The following MEX3B variants were observed in gnomAD, a reference collection of about 807,000 sequenced individuals.
MEX3B encodes the protein RNA-binding protein MEX3B.
A neutral mutation model predicts 12.2 loss-of-function variants in MEX3B; 10 were observed. That is an observed-to-expected ratio of 0.82 (90% CI 0.51 to 1.40). The LOEUF (loss-of-function observed/expected upper bound fraction) is 1.40, where lower values mean the gene tolerates loss of function less well. Among genes scored for constraint, MEX3B ranks in the 40% most tolerant of loss-of-function variants. The pLI is 0.00. For synonymous variants in MEX3B, 498 were observed against 356.3 expected (o/e 1.40, Z -4.48); for missense variants, 839 against 801.4 (o/e 1.05, Z -0.57).
chr15:82,043,624 C>T lies in MEX3B; in HGVS notation c.1246G>A (p.Ala416Thr), dbSNP rs2073234988. ...SSSVVFPGGGASAPSNANLGL... is the reference protein window; with the variant it reads ...SSSVVFPGGGTSAPSNANLGL... ...AGGTTGGCGTTGGAGGGCGCACTGG[C>T]GCCACCCCCGGGGAAGACCACGGAG... Residue 416 changes from alanine (A) to threonine (T), a missense_variant, in exon 2 of 2, where the codon GCC becomes ACC. By Grantham distance (58) the Ala-to-Thr change is moderately conservative (BLOSUM62 0). Transcript: ENST00000329713. 8.7e-6 allele frequency: 14 copies of T among 1,602,376 alleles called. No individual in the cohort carries two copies. Among genetic ancestry groups the T allele is most frequent in the Non-Finnish European group, 1.2e-5 (14 of 1,174,856 alleles).
Position 82,043,095 on chromosome 15 carries a change from G to C in MEX3B, c.*65C>G, listed in dbSNP as rs924740732. ...CCCAGGGAGGCAGGCGAGCGCTGGG[G>C]AAAGAGGGTGGGGAGGGGTTCCCCC... On this transcript the variant is annotated 3_prime_UTR_variant, in exon 2 of 2. Transcript: ENST00000329713. 7.2e-7 allele frequency: 1 copy of C among 1,382,892 alleles called. No homozygotes were observed. The highest frequency in any genetic ancestry group is 1.8e-5 in the South Asian group (1 of 55,918). The allele number at this position is 1,382,892 out of a possible 1,614,324, so 85.7% of individuals were successfully genotyped here.
Position 82,042,122 on chromosome 15 carries a change from C to G in MEX3B, c.*1038G>C, listed in dbSNP as rs2073223433. 1 of 152,586 alleles carries G rather than the reference C, an allele frequency of 6.6e-6. No individual in the cohort carries two copies. Among genetic ancestry groups the G allele is most frequent in the African/African-American group, 2.4e-5 (1 of 41,432 alleles). The allele number at this position is 152,586 out of a possible 1,614,324, so 9.5% of individuals were successfully genotyped here. ...TGCAACAGAATTTTTGTAACTTGCA[C>G]TGAATTCTATTTATACAAATGTTAG... On this transcript the variant is annotated 3_prime_UTR_variant, in exon 2 of 2. Transcript: ENST00000329713.
chr15:82,045,723 C>A lies in MEX3B; in HGVS notation c.-18G>T. The stretch of plus-strand genomic sequence containing the variant: ...CTGGGCATCGCTCGGCCGTGCGCGC[C>A]GCGCCCCCGCCGGCCCTCGGCTCGG... On this transcript the variant is annotated 5_prime_UTR_variant, in exon 1 of 2. Coordinates refer to ENST00000329713, the MANE Select transcript of MEX3B (RefSeq NM_032246.6). The A allele has an allele frequency of 7.5e-7, 1 of 1,325,566 alleles. No individual in the cohort carries two copies. The highest frequency in any genetic ancestry group is 9.6e-7 in the Non-Finnish European group (1 of 1,045,560). The allele number at this position is 1,325,566 out of a possible 1,614,324, so 82.1% of individuals were successfully genotyped here.
chr15:82,043,972 AAG>A lies in MEX3B; in HGVS notation c.896_897del (p.Ser299LeufsTer23). 6.2e-7 allele frequency: 1 copy of A among 1,609,494 alleles called. No individual in the cohort carries two copies. Among genetic ancestry groups the A allele is most frequent in the Non-Finnish European group, 8.5e-7 (1 of 1,179,822 alleles). ...SSSLGSASTD[S>X]YFGGGTSSSA... Reference sequence around the variant, plus strand: ...CTGCTGCTGGTCCCGCCGCCGAAATAAGAGTCTGTGGAAGCACTGCCAAGCGA... The same window carrying A: ...CTGCTGCTGGTCCCGCCGCCGAAATAAGTCTGTGGAAGCACTGCCAAGCGA... On this transcript the variant is annotated frameshift_variant, in exon 2 of 2. Transcript: ENST00000329713. LOFTEE classifies it low-confidence loss of function (END_TRUNC).
chr15:82,043,961 G>C lies in MEX3B; in HGVS notation c.909C>G (p.Gly303=), dbSNP rs1428339931. The part of the protein sequence containing the change: ...GSASTDSYFG[G]GTSSSAAATQ... ...TAGCCGCTGCGCTGCTGCTGGTCCC[G>C]CCGCCGAAATAAGAGTCTGTGGAAG... The change falls in exon 2 of 2, where the codon GGC becomes GGG. Residue 303 remains glycine (G), a synonymous_variant. Coordinates refer to ENST00000329713, the MANE Select transcript of MEX3B (RefSeq NM_032246.6). 10 of 1,608,502 alleles carry C rather than the reference G, an allele frequency of 6.2e-6. No individual in the cohort carries two copies. In the East Asian group the frequency reaches 1.8e-4, roughly 29 times the overall value.
rs745490024 is a variant in MEX3B at position 82,044,387 on chromosome 15, G to T, written c.483C>A (p.Thr161=). ...GGTAGGGTACCCGCACTTGGATGGT[G>T]GTCTGCCCGGGCAGGTTGGGCGGCC... ...VPGPPNLPGQ[T]TIQVRVPYRV... The change falls in exon 2 of 2, where the codon ACC becomes ACA. Residue 161 remains threonine (T), a synonymous_variant. Coordinates refer to ENST00000329713, the MANE Select transcript of MEX3B (RefSeq NM_032246.6). This position sits in a 1 kb window ranked among gnomAD's most constrained non-coding sequence, Gnocchi z 5.3. 11 of 1,611,058 alleles carry T rather than the reference G, an allele frequency of 6.8e-6. No homozygotes were observed. The highest frequency in any genetic ancestry group is 9.3e-6 in the Non-Finnish European group (11 of 1,179,482).
rs1490419167 is a variant in MEX3B, at chr15:82,044,780, C to T, written c.257-167G>A. 5 of 704,768 alleles carry T rather than the reference C, an allele frequency of 7.1e-6. No homozygotes were observed. Among genetic ancestry groups the T allele is most frequent in the Non-Finnish European group, 1.2e-5 (5 of 420,338 alleles). The allele number at this position is 704,768 out of a possible 1,614,324, so 43.7% of individuals were successfully genotyped here. A position where few individuals can be genotyped will look rare whatever the true frequency, so the allele number is the denominator to read the frequency against. On this transcript the variant is annotated intron_variant, in intron 1 of 1. Transcript: ENST00000329713. This position sits in a 1 kb window ranked among gnomAD's most constrained non-coding sequence, Gnocchi z 5.3. ...CCCTCACTGACCTCGGGCCGCGCCA[C>T]GGGCTGGGCAGCGGATCCCACCCGC...
chr15:82,045,414 C>CACCCCCCCCCCCCA, intron 1 of MEX3B, 36 bp downstream of exon 1: 1 of 1,578,520 alleles, frequency 6.3e-7, no homozygotes, highest in Non-Finnish European at 8.6e-7. Flanking sequence ...GACCCTACAC[C>CACCCCCCCCCCCCA]ACCCCCACCC....
rs1410468318 is a variant in MEX3B at position 82,044,644 on chromosome 15, G to T, written c.257-31C>A. The T allele has an allele frequency of 6.2e-7, 1 of 1,608,900 alleles. No individual in the cohort carries two copies. The highest frequency in any genetic ancestry group is 1.1e-5 in the South Asian group (1 of 90,960). ...AACCAGGGTGCGGAGGAGGGAGTGGGAGAGAGAGACAGACACGCCCATTAT... is the reference window on the plus strand; with the variant it reads ...AACCAGGGTGCGGAGGAGGGAGTGGTAGAGAGAGACAGACACGCCCATTAT... On this transcript the variant is annotated intron_variant, in intron 1 of 1. Coordinates refer to ENST00000329713, the MANE Select transcript of MEX3B (RefSeq NM_032246.6). This position sits in a 1 kb window ranked among gnomAD's most constrained non-coding sequence, Gnocchi z 5.3.
At position 82,045,495 on chromosome 15, in the gene MEX3B, G is replaced by C. The variant is rs753907768; in HGVS notation, c.211C>G (p.Pro71Ala). 1 of 1,612,754 alleles carries C rather than the reference G, an allele frequency of 6.2e-7. No homozygotes were observed. Among genetic ancestry groups the C allele is most frequent in the Non-Finnish European group, 8.5e-7 (1 of 1,179,892 alleles). Residue 71 changes from proline (P) to alanine (A), a missense_variant, in exon 1 of 2, where the codon CCA becomes GCA. Physicochemically the swap from Pro to Ala is conservative, Grantham distance 27. This residue lies in a region of MEX3B where 214 missense variants were observed against 223.8 expected (regional missense o/e 0.96). Transcript: ENST00000329713. ...GCGACATGCTCAGAACTGGGTACTG[G>C]CACGCACTCGGTCATGTTCACGCTC... ...KKSVNMTECV[P>A]VPSSEHVAEI...
At chr15:82,045,223 G>A (rs1391419560) in intron 1 of MEX3B, 2 of 655,906 alleles carry the variant, frequency 3.0e-6, no homozygotes, top group South Asian at 1.7e-5. Context: ...GGAGAAGGCA[G>A]TGATTTTAGC....
In MEX3B at chr15:82,043,191, G is replaced by A. The variant is rs143849049; in HGVS notation, c.1679C>T (p.Ala560Val). The A allele has an allele frequency of 1.5e-5, 23 of 1,553,362 alleles. No homozygotes were observed. The highest frequency in any genetic ancestry group is 2.7e-5 in the African/African-American group (2 of 73,112). ...AAAGATGCGGATGGCCTGAGTGACC[G>A]CGGTGTGGCAGACCGGGCACTCGGG... ...SEPECPVCHT[A>V]VTQAIRIFS The change falls in exon 2 of 2, where the codon GCG (alanine) becomes GTG (valine). Residue 560 changes from alanine (A) to valine (V), a missense_variant. Ala to Val is a moderately conservative substitution (Grantham distance 64). Transcript: ENST00000329713.
rs1250648488 is a variant in MEX3B, at chr15:82,045,505, G to C, written c.201C>G (p.Thr67=). The change falls in exon 1 of 2, where the codon ACC becomes ACG. Residue 67 remains threonine, a synonymous_variant. Coordinates refer to ENST00000329713, the MANE Select transcript of MEX3B (RefSeq NM_032246.6). ...SEPRKKSVNM[T]ECVPVPSSEH... Reference sequence around the variant, plus strand: ...CAGAACTGGGTACTGGCACGCACTCGGTCATGTTCACGCTCTTCTTGCGCG... The same window carrying C: ...CAGAACTGGGTACTGGCACGCACTCCGTCATGTTCACGCTCTTCTTGCGCG... The C allele has an allele frequency of 8.7e-6, 14 of 1,612,204 alleles. No individual in the cohort carries two copies. The Middle Eastern group carries it at 4.9e-4, about 57-fold the overall frequency.
chr15:82,045,199 TGGG>T, intron 1 of MEX3B: 1 of 628,820 alleles, frequency 1.6e-6, no homozygotes, highest in Non-Finnish European at 2.9e-6. Flanking sequence ...GTGGGCTGGT[TGGG>T]GGGCGTTAGG....
rs530325987 is a variant in MEX3B, at chr15:82,042,447, A to G, written c.*713T>C. The G allele has an allele frequency of 2.0e-5, 3 of 152,632 alleles. No homozygotes were observed. In the East Asian group the frequency reaches 5.8e-4, roughly 29 times the overall value. The allele number at this position is 152,632 out of a possible 1,614,324, so 9.5% of individuals were successfully genotyped here. A position where few individuals can be genotyped will look rare whatever the true frequency, so the allele number is the denominator to read the frequency against. ...CAAAAAAGTTCACTGAACTTAAATT[A>G]AAATACTTGTAAACATCTTTGCAAT... On this transcript the variant is annotated 3_prime_UTR_variant, in exon 2 of 2. Transcript: ENST00000329713.
chr15:82,042,891 G>A lies in MEX3B; in HGVS notation c.*269C>T. ...AATGTCGCCGTTCCTATTATTTATAGAGCATGCATTTCAGGTGTTCAGGTT... is the reference window on the plus strand; with the variant it reads ...AATGTCGCCGTTCCTATTATTTATAAAGCATGCATTTCAGGTGTTCAGGTT... On this transcript the variant is annotated 3_prime_UTR_variant, in exon 2 of 2. Coordinates refer to ENST00000329713, the MANE Select transcript of MEX3B (RefSeq NM_032246.6). 1 of 330,604 alleles carries A rather than the reference G, an allele frequency of 3.0e-6. No homozygotes were observed. 20.5% of individuals were successfully genotyped at this position (330,604 alleles called of 1,614,324 possible). A position where few individuals can be genotyped will look rare whatever the true frequency, so the allele number is the denominator to read the frequency against.
In MEX3B at chr15:82,043,519, C is replaced by T. The variant is rs543750596; in HGVS notation, c.1351G>A (p.Ala451Thr). ...LSPPLHMAPG[A>T]GEHHLARRVR... ...CGGCGAGCCAGGTGGTGCTCTCCCG[C>T]CCCCGGGGCCATGTGCAAGGGTGGA... Residue 451 changes from alanine (A) to threonine (T), a missense_variant, in exon 2 of 2, where the codon GCG (alanine) becomes ACG (threonine). By Grantham distance (58) the Ala-to-Thr change is moderately conservative. This residue lies in a region of MEX3B where 573 missense variants were observed against 488.9 expected (regional missense o/e 1.17). Coordinates refer to ENST00000329713, the MANE Select transcript of MEX3B (RefSeq NM_032246.6). 5.2e-5 allele frequency: 78 copies of T among 1,513,726 alleles called. No homozygotes were observed. Among genetic ancestry groups the T allele is most frequent in the Admixed American group, 4.8e-4 (21 of 44,112 alleles). 93.8% of individuals were successfully genotyped at this position (1,513,726 alleles called of 1,614,324 possible).
chr15:82,045,413 C>T, intron 1 of MEX3B, 37 bp downstream of exon 1: 1 of 1,577,452 alleles, frequency 6.3e-7, no homozygotes, highest in East Asian at 2.3e-5. Flanking sequence ...AGACCCTACA[C>T]CACCCCCACC....
chr15:82,043,084 C>A lies in MEX3B; in HGVS notation c.*76G>T. ...GAGGGGGGGCACCCAGGGAGGCAGG[C>A]GAGCGCTGGGGAAAGAGGGTGGGGA... On this transcript the variant is annotated 3_prime_UTR_variant, in exon 2 of 2. Transcript: ENST00000329713. 1 of 1,311,636 alleles carries A rather than the reference C, an allele frequency of 7.6e-7. No homozygotes were observed. Among genetic ancestry groups the A allele is most frequent in the Non-Finnish European group, 9.9e-7 (1 of 1,014,702 alleles). The allele number at this position is 1,311,636 out of a possible 1,614,324, so 81.2% of individuals were successfully genotyped here.
Sources: gnomAD v4.1 joint callset for allele counts on GRCh38, gnomAD v4.1.1 for gene constraint, gnomAD v4.1.1 regional missense constraint, Gnocchi (gnomAD v3.1) non-coding constraint, MANE v1.5 for transcripts, NCBI Gene and HGNC (gene_info 2026-07-23, HGNC 2026-07-21) for gene names.